Variants in CCT6B observed in about 807,000 individuals in gnomAD.
CCT6B encodes probable T-complex protein 1 subunit zeta-2.
Under a neutral mutation model 61.5 loss-of-function variants are expected in CCT6B, and 49 were observed. The observed-to-expected ratio is 0.80, with a 90% CI of 0.63 to 1.01. The LOEUF (loss-of-function observed/expected upper bound fraction) is 1.01. CCT6B is among the 50% of genes least tolerant of loss of function. The probability of loss-of-function intolerance (pLI) is 0.00; values close to 1 mark genes in which losing one functional copy is unlikely to be tolerated. For synonymous variants in CCT6B, 228 were observed against 214.5 expected (o/e 1.06, Z -0.55); for missense variants, 666 against 634.7 (o/e 1.05, Z -0.53).
At position 34,961,453 on chromosome 17, in the gene CCT6B, G is replaced by A. The variant is rs1054594214; in HGVS notation, c.-60C>T. 4.5e-6 allele frequency: 7 copies of A among 1,562,140 alleles called. No homozygotes were observed. Among genetic ancestry groups the A allele is most frequent in the African/African-American group, 1.4e-5 (1 of 72,688 alleles). On this transcript the variant is annotated 5_prime_UTR_variant, in exon 1 of 14. Coordinates refer to ENST00000314144, the MANE Select transcript of CCT6B (RefSeq NM_006584.4). ...CTTAGTCGCGATTCTGAGCAAAAAC[G>A]GCAATGCGACGCCACGCTCTCTTGA...
chr17:34,949,668 T>A (rs1350189894), intron 5 of CCT6B: 1 of 152,080 alleles, frequency 6.6e-6, no homozygotes, highest in Non-Finnish European at 1.5e-5. Context: ...TCACTTCATA[T>A]CAGTACAAAA....
chr17:34,961,284 T>C lies in CCT6B; in HGVS notation c.110A>G (p.Asn37Ser). 1.2e-6 allele frequency: 2 copies of C among 1,611,978 alleles called. No individual in the cohort carries two copies. Among genetic ancestry groups the C allele is most frequent in the Non-Finnish European group, 1.7e-6 (2 of 1,179,386 alleles). Residue 37 changes from asparagine to serine, a missense_variant, in exon 1 of 14, where the codon AAC becomes AGC. Physicochemically the swap from Asn to Ser is conservative, Grantham distance 46. Transcript: ENST00000314144. ...TTTCATGGTGCCTTTAGGACCCAAG[T>C]TGGTCCGCAGCACATCCTGCAGCCC... ...ARGLQDVLRT[N>S]LGPKGTMKML...
At chr17:34,961,226 C>T (rs2090412212) in intron 1 of CCT6B, 31 bp downstream of exon 1, 1 of 1,578,366 alleles carries the variant, frequency 6.3e-7, no homozygotes. Context: ...GGCCCCTAGC[C>T]GCGTAATGGC....
At chr17:34,932,341 T>C (rs750661562) in intron 11 of CCT6B, 26 bp downstream of exon 11, 5 of 1,584,982 alleles carry the variant, frequency 3.2e-6, no homozygotes, top group South Asian at 1.2e-5. Context: ...TAAGCAGTTG[T>C]TATTTGGCCG....
At chr17:34,941,486 G>A (rs1312516034) in intron 7 of CCT6B, among the ~76,000 whole-genome samples, 2 of 152,186 alleles carry the variant, frequency 1.3e-5, no homozygotes, top group African/African-American at 4.8e-5. Flanking sequence ...AAGCTGTCAA[G>A]TTCACATGGC....
rs753737935 is a variant in CCT6B at position 34,959,650 on chromosome 17, C to T, written c.138G>A (p.Met46Ile). ...TGATGTCACCTGCACCAGAAACAAGCCTGTTCAGAGAAGAATGATATTAAC... is the reference window on the plus strand; with the variant it reads ...TGATGTCACCTGCACCAGAAACAAGTCTGTTCAGAGAAGAATGATATTAAC... ...TNLGPKGTMK[M>I]LVSGAGDIKL... Residue 46 changes from methionine to isoleucine, a missense_variant and splice_region_variant, in exon 2 of 14, where the codon ATG becomes ATA. Coordinates refer to ENST00000314144, the MANE Select transcript of CCT6B (RefSeq NM_006584.4). 6.2e-7 allele frequency: 1 copy of T among 1,605,930 alleles called. No individual in the cohort carries two copies. Among genetic ancestry groups the T allele is most frequent in the East Asian group, 2.2e-5 (1 of 44,818 alleles).
At chr17:34,940,459 TA>T in intron 8 of CCT6B, 79 bp downstream of exon 8, 1 of 772,954 alleles carries the variant, frequency 1.3e-6, no homozygotes, top group Non-Finnish European at 2.1e-6. Flanking sequence ...CATTTACACA[TA>T]AGCTAAAAGG....
At chr17:34,941,231 T>C (rs1260454330) in intron 7 of CCT6B, among the ~76,000 whole-genome samples, 4 of 152,200 alleles carry the variant, frequency 2.6e-5, no homozygotes, top group Non-Finnish European at 5.9e-5. Flanking sequence ...ACTTGCACAC[T>C]GAATGGATTA....
intron 3 of CCT6B, 78 bp downstream of exon 3, chr17:34,958,482 T>C: frequency 1.2e-6 from 1 of 825,724 alleles, no homozygotes; most frequent in Non-Finnish European, 1.7e-6. Flanking sequence ...AAATTAACTG[T>C]CTAAAACTCA....
At chr17:34,956,661 T>C (rs12150439) in intron 3 of CCT6B, among the ~76,000 whole-genome samples, 44,352 of 152,050 alleles carry the variant, frequency 0.29, 6,714 homozygotes, top group Admixed American at 0.39. Context: ...TAAAAACTGT[T>C]ACTGGCTTGG....
chr17:34,941,404 C>T (rs1356073569), intron 7 of CCT6B, among the ~76,000 whole-genome samples: 2 of 152,132 alleles, frequency 1.3e-5, no homozygotes, highest in East Asian at 3.9e-4. Flanking sequence ...GAAACTTTGC[C>T]TATCTCAGTG....
At chr17:34,931,382 ATATTCTTG>A (rs1395969597) in intron 11 of CCT6B, among the ~76,000 whole-genome samples, 2 of 152,290 alleles carry the variant, frequency 1.3e-5, no homozygotes, top group African/African-American at 4.8e-5. Context: ...AAGTAGAATG[ATATTCTTG>A]TTTCCTCTAG....
rs572916278 is a variant in CCT6B at position 34,945,828 on chromosome 17, T to C, written c.615-2922A>G. Among the ~76,000 whole-genome samples the C allele has an allele frequency of 3.9e-5, 6 of 152,314 alleles. No homozygotes were observed. The South Asian group carries it at 8.3e-4, about 21-fold the overall frequency. On this transcript the variant is annotated intron_variant, in intron 5 of 13. Coordinates refer to ENST00000314144, the MANE Select transcript of CCT6B (RefSeq NM_006584.4). ...TTAGCAACATTGAAGAGCTATAAGA[T>C]AGTATATAATCACAAGGCCAAAACT...
At chr17:34,930,587 T>C (rs759482122) in intron 12 of CCT6B, among the ~76,000 whole-genome samples, 7 of 152,172 alleles carry the variant, frequency 4.6e-5, no homozygotes, top group Non-Finnish European at 7.4e-5. Flanking sequence ...CCTCCTGTAC[T>C]AGCATTCATG....
At chr17:34,960,107 A>T (rs1383695623) in intron 1 of CCT6B, among the ~76,000 whole-genome samples, 1 of 152,172 alleles carries the variant, frequency 6.6e-6, no homozygotes, top group African/African-American at 2.4e-5. Context: ...CACTGTTATC[A>T]TCTCTACTTT....
intron 5 of CCT6B, among the ~76,000 whole-genome samples, chr17:34,945,392 C>G (rs1389207490): frequency 6.6e-6 from 1 of 152,136 alleles, no homozygotes; most frequent in Non-Finnish European, 1.5e-5. Flanking sequence ...CTTGATTTAT[C>G]TCCCCAAATC....
chr17:34,932,418 T>C lies in CCT6B; in HGVS notation c.1296A>G (p.Arg432=), dbSNP rs761897083. The C allele has an allele frequency of 5.6e-6, 9 of 1,612,356 alleles. No individual in the cohort carries two copies. The South Asian group carries it at 9.9e-5, about 18-fold the overall frequency. Residue 432 remains arginine (R), a synonymous_variant, in exon 11 of 14, where the codon AGA becomes AGG. Transcript: ENST00000314144. ...LVTYKNSIKG[R]ARLGVQAFAD... ...CAAAAGCTTGGACTCCAAGACGAGC[T>C]CTTCCTTTTATACTGTTCTTATATG...
chr17:34,938,060 T>C (rs1036943506), intron 10 of CCT6B, among the ~76,000 whole-genome samples: 3 of 151,202 alleles, frequency 2.0e-5, no homozygotes, highest in African/African-American at 7.3e-5. Flanking sequence ...TGGCTATTTG[T>C]GTGTGTGTGT....
intron 2 of CCT6B, 69 bp from the exon 3 acceptor site, chr17:34,958,763 T>A: frequency 7.9e-7 from 1 of 1,263,282 alleles, no homozygotes; most frequent in South Asian, 1.7e-5. Flanking sequence ...AAAAGCAAGA[T>A]AACCTAGGGG....
Sources: allele counts gnomAD v4.1 joint callset (sites outside exome capture counted in the v4.1 genomes callset), GRCh38; gene constraint gnomAD v4.1.1; transcripts MANE v1.5; gene names NCBI Gene and HGNC (gene_info 2026-07-23, HGNC 2026-07-21).